The following COA1 variants were observed in gnomAD, a reference collection of about 807,000 sequenced individuals.
The protein encoded by COA1 is cytochrome c oxidase assembly factor 1.
In COA1, 13 loss-of-function variants were observed where a neutral mutation model predicts 16.0. The observed-to-expected ratio is 0.81, with a 90% CI of 0.53 to 1.29. COA1 has a LOEUF of 1.29. Among genes scored for constraint, COA1 ranks in the 50% most tolerant of loss-of-function variants. COA1 has a pLI of 0.00. For synonymous variants in COA1, 65 were observed against 65.7 expected (o/e 0.99, Z 0.05); for missense variants, 179 against 177.0 (o/e 1.01, Z -0.06).
At chr7:43,610,153 T>C (rs1408719661) in intron 6 of COA1, among the ~76,000 whole-genome samples, 1 of 151,356 alleles carries the variant, frequency 6.6e-6, no homozygotes, top group Non-Finnish European at 1.5e-5. Flanking sequence ...GAGACCATCC[T>C]GGCTAACACG....
At chr7:43,673,701 C>G (rs1283271541) in intron 1 of COA1, among the ~76,000 whole-genome samples, 1 of 152,150 alleles carries the variant, frequency 6.6e-6, no homozygotes, top group Non-Finnish European at 1.5e-5. Context: ...CACGTATGTT[C>G]ATCACTGCAC....
At chr7:43,623,775 A>G (rs1252757238) in intron 6 of COA1, 2 of 1,609,402 alleles carry the variant, frequency 1.2e-6, no homozygotes, top group Non-Finnish European at 1.7e-6. Context: ...ATGATAAACA[A>G]GAAACATTCT....
chr7:43,616,617 G>A (rs1430836384), intron 6 of COA1, among the ~76,000 whole-genome samples: 1 of 152,154 alleles, frequency 6.6e-6, no homozygotes, highest in African/African-American at 2.4e-5. Flanking sequence ...GGACCGTCTG[G>A]CCGGGCGCGG....
intron 1 of COA1, among the ~76,000 whole-genome samples, chr7:43,694,121 G>A (rs868298787): frequency 2.1e-5 from 3 of 145,942 alleles, no homozygotes; most frequent in South Asian, 2.2e-4. Context: ...GACCAACCCC[G>A]CCACTGCACA....
chr7:43,661,863 C>A (rs1439086873), intron 1 of COA1, among the ~76,000 whole-genome samples: 2 of 152,118 alleles, frequency 1.3e-5, no homozygotes, highest in Non-Finnish European at 2.9e-5. Context: ...ATAAATAAGA[C>A]TTTGGCTAAT....
intron 1 of COA1, among the ~76,000 whole-genome samples, chr7:43,688,530 T>C (rs12113968): frequency 0.014 from 2,168 of 152,276 alleles, 50 homozygotes; most frequent in African/African-American, 0.049. Context: ...TCACACTTTC[T>C]TCATTAGTCA....
intron 6 of COA1, among the ~76,000 whole-genome samples, chr7:43,616,984 AC>A (rs1049495269): frequency 2.6e-5 from 4 of 152,204 alleles, no homozygotes; most frequent in African/African-American, 7.2e-5. Flanking sequence ...CTGCTTCACT[AC>A]CATCTTAGGC....
rs1422463901 is a variant in COA1 at position 43,729,505 on chromosome 7, C to G, written c.-115G>C. The G allele has an allele frequency of 1.3e-5, 2 of 152,294 alleles. No homozygotes were observed. The highest frequency in any genetic ancestry group is 2.9e-5 in the Non-Finnish European group (2 of 68,094). The allele number at this position is 152,294 out of a possible 1,614,324, so 9.4% of individuals were successfully genotyped here. A position where few individuals can be genotyped will look rare whatever the true frequency, so the allele number is the denominator to read the frequency against. On this transcript the variant is annotated 5_prime_UTR_variant, in exon 1 of 6. Transcript: ENST00000223336. Reference sequence around the variant, plus strand: ...GCTTGGGAAAGCACGGGTAAATGCCCGCGGTCCTGCGCGCCAGCGGGGAGC... The same window carrying G: ...GCTTGGGAAAGCACGGGTAAATGCCGGCGGTCCTGCGCGCCAGCGGGGAGC...
chr7:43,624,501 A>AT (rs756176521), intron 6 of COA1: 21 of 1,586,556 alleles, frequency 1.3e-5, no homozygotes, highest in Admixed American at 1.8e-5. Context: ...TTAACTGTAA[A>AT]ACATGTATCT....
chr7:43,698,908 C>G (rs1475106746), intron 1 of COA1, among the ~76,000 whole-genome samples: 1 of 152,166 alleles, frequency 6.6e-6, no homozygotes, highest in Non-Finnish European at 1.5e-5. Context: ...GCTGATAAAT[C>G]CATTCTGAAA....
intron 4 of COA1, among the ~76,000 whole-genome samples, chr7:43,642,662 CT>C (rs2087494036): frequency 6.6e-6 from 1 of 152,204 alleles, no homozygotes; most frequent in Admixed American, 6.5e-5. Context: ...AATGTCTGAA[CT>C]GTGGGCAGCT....
At chr7:43,612,223 G>T (rs989838131) in intron 6 of COA1, among the ~76,000 whole-genome samples, 1 of 152,160 alleles carries the variant, frequency 6.6e-6, no homozygotes, top group Non-Finnish European at 1.5e-5. Flanking sequence ...TGGTCCAAAG[G>T]GTTCTCAGCC....
At chr7:43,695,332 C>T (rs1049696651) in intron 1 of COA1, among the ~76,000 whole-genome samples, 11 of 152,046 alleles carry the variant, frequency 7.2e-5, no homozygotes, top group Non-Finnish European at 1.2e-4. Context: ...CCTCCTTACT[C>T]CCTCTAATCC....
intron 1 of COA1, among the ~76,000 whole-genome samples, chr7:43,701,531 T>C (rs951854671): frequency 5.9e-5 from 9 of 152,242 alleles, no homozygotes; most frequent in African/African-American, 2.2e-4. Context: ...GGCACCTGGG[T>C]GCCCATATCT....
At chr7:43,654,154 A>C (rs1475310796) in intron 1 of COA1, among the ~76,000 whole-genome samples, 1 of 152,140 alleles carries the variant, frequency 6.6e-6, no homozygotes, top group Non-Finnish European at 1.5e-5. Flanking sequence ...ACCTCTCTCC[A>C]CACCCAGCTC....
intron 1 of COA1, among the ~76,000 whole-genome samples, chr7:43,674,386 G>T (rs1330420053): frequency 1.3e-5 from 2 of 152,212 alleles, no homozygotes; most frequent in African/African-American, 4.8e-5. Context: ...AGTAGAAACT[G>T]TGTGTTACTT....
chr7:43,715,592 A>G (rs2095374409), intron 1 of COA1, among the ~76,000 whole-genome samples: 1 of 152,122 alleles, frequency 6.6e-6, no homozygotes, highest in African/African-American at 2.4e-5. Flanking sequence ...TGCTTTCACT[A>G]ATTTTAGATC....
intron 6 of COA1, chr7:43,619,850 T>A: frequency 7.9e-7 from 1 of 1,261,990 alleles, no homozygotes; most frequent in Non-Finnish European, 1.1e-6. Flanking sequence ...ATCAGAGATC[T>A]ATTCCTTTGG....
intron 1 of COA1, among the ~76,000 whole-genome samples, chr7:43,654,850 A>G (rs1340204083): frequency 6.6e-6 from 1 of 152,246 alleles, no homozygotes. Flanking sequence ...GTATACCAAC[A>G]AAGGATGACA....
Sources: gnomAD v4.1 joint callset for allele counts (sites outside exome capture counted in the v4.1 genomes callset) on GRCh38, gnomAD v4.1.1 for gene constraint, MANE v1.5 for transcripts, NCBI Gene and HGNC (gene_info 2026-07-23, HGNC 2026-07-21) for gene names.